TMEM248: variants seen among roughly 807,000 people sequenced by gnomAD.
TMEM248 encodes the protein UPF0458 protein C7orf42.
In TMEM248, 9 loss-of-function variants were observed where a neutral mutation model predicts 30.3. The observed-to-expected ratio is 0.30, with a 90% CI of 0.18 to 0.52. The LOEUF (loss-of-function observed/expected upper bound fraction) is 0.52. TMEM248 is among the 20% of genes least tolerant of loss of function. The pLI is 0.97. For synonymous variants in TMEM248, 184 were observed against 154.4 expected (o/e 1.19, Z -1.42); for missense variants, 338 against 403.3 (o/e 0.84, Z 1.39).
chr7:66,958,205 C>T lies in TMEM248; in HGVS notation c.*2683C>T, dbSNP rs1409056630. 2.0e-5 allele frequency: 3 copies of T among 152,758 alleles called. No individual in the cohort carries two copies. The highest frequency in any genetic ancestry group is 7.2e-5 in the African/African-American group (3 of 41,480). 9.5% of individuals were successfully genotyped at this position (152,758 alleles called of 1,614,324 possible). Reference sequence around the variant, plus strand: ...GACTGGAGGGCCAGCAGAAGGTCAGCAACTTACTCTTAAAACGATTGTTTC... The same window carrying T: ...GACTGGAGGGCCAGCAGAAGGTCAGTAACTTACTCTTAAAACGATTGTTTC... On this transcript the variant is annotated 3_prime_UTR_variant, in exon 7 of 7. Transcript: ENST00000341567.
intron 5 of TMEM248, among the ~76,000 whole-genome samples, chr7:66,952,696 C>A (rs3778914): frequency 0.16 from 23,843 of 152,102 alleles, 2,221 homozygotes; most frequent in East Asian, 0.29. Context: ...TAGTGAATCA[C>A]GGATGATCTC....
At chr7:66,954,673 T>C (rs947838294) in intron 6 of TMEM248, among the ~76,000 whole-genome samples, 1 of 152,168 alleles carries the variant, frequency 6.6e-6, no homozygotes, top group Non-Finnish European at 1.5e-5. Flanking sequence ...TACAGGTGAT[T>C]ACAGGTGTGA....
chr7:66,944,908 C>A, intron 2 of TMEM248, 68 bp from the exon 3 acceptor site: 1 of 1,556,686 alleles, frequency 6.4e-7, no homozygotes, highest in Admixed American at 1.7e-5. Context: ...TGGGGTCTTA[C>A]CTGTATTCCC....
rs553043559 is a variant in TMEM248, at chr7:66,955,423, G to T, written c.925-79G>T. Reference sequence around the variant, plus strand: ...CTGGTTGATATGTGCAATTAGTGTGGCATCCTGGTCTTTGGGTAGGGGCTG... The same window carrying T: ...CTGGTTGATATGTGCAATTAGTGTGTCATCCTGGTCTTTGGGTAGGGGCTG... On this transcript the variant is annotated intron_variant, in intron 6 of 6. Transcript: ENST00000341567. 2.5e-5 allele frequency: 38 copies of T among 1,527,870 alleles called. 1 individual carries two copies. In the South Asian group the frequency reaches 3.8e-4, roughly 15 times the overall value. The allele number at this position is 1,527,870 out of a possible 1,614,324, so 94.6% of individuals were successfully genotyped here.
chr7:66,950,600 C>G (rs192640565), intron 4 of TMEM248, among the ~76,000 whole-genome samples: 1 of 152,194 alleles, frequency 6.6e-6, no homozygotes, highest in Non-Finnish European at 1.5e-5. Context: ...TGAGAAAGGA[C>G]TAATATACTA....
At chr7:66,941,264 T>G (rs950034812) in intron 1 of TMEM248, among the ~76,000 whole-genome samples, 3 of 151,418 alleles carry the variant, frequency 2.0e-5, no homozygotes, top group African/African-American at 7.3e-5. Flanking sequence ...GCCTGTAGTC[T>G]CAGCTACTTG....
intron 1 of TMEM248, among the ~76,000 whole-genome samples, chr7:66,923,604 A>G (rs1416152757): frequency 6.6e-6 from 1 of 152,244 alleles, no homozygotes; most frequent in Non-Finnish European, 1.5e-5. Context: ...AGAGGCAGCT[A>G]GTTAAGGGTT....
chr7:66,934,200 T>C (rs1349984254), intron 1 of TMEM248, among the ~76,000 whole-genome samples: 2 of 151,078 alleles, frequency 1.3e-5, no homozygotes, highest in African/African-American at 4.8e-5. Flanking sequence ...ATTATTATTT[T>C]ATTATTATTA....
At chr7:66,925,938 G>C (rs535777204) in intron 1 of TMEM248, among the ~76,000 whole-genome samples, 8 of 151,986 alleles carry the variant, frequency 5.3e-5, no homozygotes, top group Non-Finnish European at 7.4e-5. Flanking sequence ...ACCACGCCCG[G>C]CCTATTTTTA....
At chr7:66,939,368 A>G (rs947627902) in intron 1 of TMEM248, among the ~76,000 whole-genome samples, 4 of 152,212 alleles carry the variant, frequency 2.6e-5, no homozygotes, top group African/African-American at 9.7e-5. Flanking sequence ...ACAATTACAT[A>G]TATACATCAG....
intron 1 of TMEM248, among the ~76,000 whole-genome samples, chr7:66,927,194 G>T (rs898085718): frequency 1.3e-5 from 2 of 151,900 alleles, no homozygotes; most frequent in Non-Finnish European, 2.9e-5. Flanking sequence ...TTTAAGAAGC[G>T]GGGGGGTTGA....
chr7:66,928,435 C>G (rs1227039588), intron 1 of TMEM248, among the ~76,000 whole-genome samples: 1 of 151,928 alleles, frequency 6.6e-6, no homozygotes, highest in East Asian at 1.9e-4. Context: ...AGTCAGAATC[C>G]ATTTCTGCCA....
Position 66,940,662 on chromosome 7 carries a change from C to T in TMEM248, c.-18-1186C>T, listed in dbSNP as rs192939198. On this transcript the variant is annotated intron_variant, in intron 1 of 6. Transcript: ENST00000341567. ...GTGGATGGTGATGCAGTCAGGGAGACTGGCAGGGCTTCTGAGTCCTGAAAA... is the reference window on the plus strand; with the variant it reads ...GTGGATGGTGATGCAGTCAGGGAGATTGGCAGGGCTTCTGAGTCCTGAAAA... Among the ~76,000 whole-genome samples, 195 of 152,286 alleles carry T rather than the reference C, an allele frequency of 1.3e-3. 1 individual carries two copies. Among genetic ancestry groups the T allele is most frequent in the African/African-American group, 4.4e-3 (184 of 41,572 alleles).
rs1792333619 is a variant in TMEM248 at position 66,953,894 on chromosome 7, C to T, written c.924+525C>T. Among the ~76,000 whole-genome samples, 3 of 150,908 alleles carry T rather than the reference C, an allele frequency of 2.0e-5. 1 individual carries two copies. In the South Asian group the frequency reaches 6.3e-4, roughly 31 times the overall value. ...GTGCTGGAATTACAGGTGTGAGCCA[C>T]TGTGCCCAGCTCATCCTCTGTAACG... On this transcript the variant is annotated intron_variant, in intron 6 of 6. Coordinates refer to ENST00000341567, the MANE Select transcript of TMEM248 (RefSeq NM_017994.5).
intron 2 of TMEM248, 110 bp downstream of exon 2, chr7:66,942,134 G>GA: frequency 8.5e-7 from 1 of 1,180,442 alleles, no homozygotes; most frequent in Non-Finnish European, 1.2e-6. Context: ...CTCCTAGTGA[G>GA]AAAAATCAGT....
chr7:66,945,807 C>T (rs1237530249), intron 3 of TMEM248, among the ~76,000 whole-genome samples: 1 of 151,970 alleles, frequency 6.6e-6, no homozygotes, highest in African/African-American at 2.4e-5. Context: ...AAAAATTGGC[C>T]GGGCGCGGTG....
At chr7:66,942,061 C>G (rs1345786458) in intron 2 of TMEM248, 37 bp downstream of exon 2, 2 of 1,599,834 alleles carry the variant, frequency 1.3e-6, no homozygotes, top group East Asian at 4.5e-5. Flanking sequence ...GCTGGCTGGT[C>G]CTTGTGCAGT....
chr7:66,930,206 C>T (rs919920391), intron 1 of TMEM248, among the ~76,000 whole-genome samples: 1 of 152,144 alleles, frequency 6.6e-6, no homozygotes, highest in Non-Finnish European at 1.5e-5. Context: ...GGTGTTTTTC[C>T]TTAGGGAAGG....
chr7:66,948,120 CTGTT>C (rs1050425225), intron 3 of TMEM248, among the ~76,000 whole-genome samples: 2 of 152,162 alleles, frequency 1.3e-5, no homozygotes, highest in East Asian at 1.9e-4. Flanking sequence ...CCTCTGACCT[CTGTT>C]TGTTCATATG....
Sources: allele counts gnomAD v4.1 joint callset (sites outside exome capture counted in the v4.1 genomes callset), GRCh38; gene constraint gnomAD v4.1.1; transcripts MANE v1.5; gene names NCBI Gene and HGNC (gene_info 2026-07-23, HGNC 2026-07-21).